GALNT13: variants seen among roughly 807,000 people sequenced by gnomAD.
GALNT13 encodes the protein UDP-GalNAc:polypeptide N-acetylgalactosaminyltransferase 13.
A neutral mutation model predicts 64.2 loss-of-function variants in GALNT13; 28 were observed. The observed-to-expected ratio is 0.44, with a 90% CI of 0.32 to 0.60. The LOEUF (loss-of-function observed/expected upper bound fraction) is 0.60. Ranked by LOEUF, GALNT13 falls within the 20% of genes least tolerant of loss-of-function variation. The probability of loss-of-function intolerance (pLI) is 0.05; values close to 1 mark genes in which losing one functional copy is unlikely to be tolerated. For missense variants in GALNT13, 577 were observed against 669.8 expected, an observed-to-expected ratio of 0.86 and a Z score of 1.53; for synonymous variants, 214 against 224.6, an observed-to-expected ratio of 0.95 and a Z score of 0.42.
chr2:154,406,101 G>A (rs77585367), intron 10 of GALNT13, among the ~76,000 whole-genome samples: 1 of 152,118 alleles, frequency 6.6e-6, no homozygotes, highest in Non-Finnish European at 1.5e-5. Context: ...TATTGTTCCT[G>A]GTAAATAGAA....
At chr2:153,108,018 C>T in the GALNT13 span, among the ~76,000 whole-genome samples, 2 of 152,130 alleles carry the variant, frequency 1.3e-5, no homozygotes, top group Non-Finnish European at 2.9e-5. Flanking sequence ...GCTGGGATTA[C>T]AGACATGCAT....
intron 8 of GALNT13, among the ~76,000 whole-genome samples, chr2:154,295,348 T>TTTTATTTA (rs10530260): frequency 0.074 from 10,588 of 142,200 alleles, 598 homozygotes; most frequent in African/African-American, 0.14. Flanking sequence ...ATTCTTTTTA[T>TTTTATTTA]TTTATTTATT....
At chr2:153,825,433 G>A in the GALNT13 span, among the ~76,000 whole-genome samples, 1 of 152,078 alleles carries the variant, frequency 6.6e-6, no homozygotes, top group Admixed American at 6.5e-5. Flanking sequence ...TGTATTTAGA[G>A]GCTACGACAA....
At chr2:153,259,215 C>A in the GALNT13 span, among the ~76,000 whole-genome samples, 1 of 152,152 alleles carries the variant, frequency 6.6e-6, no homozygotes, top group South Asian at 2.1e-4. Flanking sequence ...GTCTTGAAAT[C>A]TATCTTGTCT....
At chr2:154,352,323 T>C (rs758492029) in intron 9 of GALNT13, among the ~76,000 whole-genome samples, 1 of 152,204 alleles carries the variant, frequency 6.6e-6, no homozygotes, top group Non-Finnish European at 1.5e-5. Flanking sequence ...TGGGACAGTT[T>C]ATAAGATTAT....
intron 3 of GALNT13, among the ~76,000 whole-genome samples, chr2:154,082,019 A>G (rs1701295018): frequency 6.6e-6 from 1 of 151,728 alleles, no homozygotes; most frequent in African/African-American, 2.4e-5. Context: ...TCTAGAAACC[A>G]ATTTATTATT....
chr2:153,615,648 C>A, the GALNT13 span, among the ~76,000 whole-genome samples: 1 of 152,016 alleles, frequency 6.6e-6, no homozygotes, highest in Admixed American at 6.6e-5. Flanking sequence ...AACACTTTTT[C>A]ATATGCCTGT....
chr2:153,471,642 G>A, the GALNT13 span, among the ~76,000 whole-genome samples: 4 of 152,014 alleles, frequency 2.6e-5, no homozygotes, highest in African/African-American at 9.7e-5. Context: ...CAAATTTAGG[G>A]TCCCAGCTCA....
intron 12 of GALNT13, among the ~76,000 whole-genome samples, chr2:154,447,646 A>G (rs1472488902): frequency 3.9e-5 from 6 of 151,976 alleles, no homozygotes; most frequent in Non-Finnish European, 5.9e-5. Context: ...TAGTGGAGGA[A>G]ACAATTGAGC....
chr2:153,907,519 C>G (rs1461880991), intron 2 of GALNT13, among the ~76,000 whole-genome samples: 2 of 151,846 alleles, frequency 1.3e-5, no homozygotes, highest in East Asian at 3.9e-4. Context: ...AGCCTCGTAC[C>G]TAATGGTTAT....
At chr2:153,549,027 C>A in the GALNT13 span, among the ~76,000 whole-genome samples, 2 of 152,038 alleles carry the variant, frequency 1.3e-5, no homozygotes, top group African/African-American at 4.8e-5. Context: ...ACATAGTATA[C>A]GACTTAATTT....
the GALNT13 span, among the ~76,000 whole-genome samples, chr2:153,796,769 CACAGTACTTTCTTTGGTGCCATACATTTT>C: frequency 1.3e-5 from 2 of 152,118 alleles, no homozygotes; most frequent in South Asian, 4.1e-4. Flanking sequence ...CATGTTGTTT[CACAGTACTTTCTTTGGTGCCATACATTTT>C]AAAAAATATA....
At chr2:154,187,759 A>G (rs1354791732) in intron 4 of GALNT13, among the ~76,000 whole-genome samples, 1 of 152,164 alleles carries the variant, frequency 6.6e-6, no homozygotes, top group Non-Finnish European at 1.5e-5. Context: ...CAACTAATTT[A>G]CTGCATACAT....
At chr2:154,164,439 G>C (rs923079174) in intron 4 of GALNT13, among the ~76,000 whole-genome samples, 9 of 151,986 alleles carry the variant, frequency 5.9e-5, no homozygotes, top group African/African-American at 2.2e-4. Context: ...TCAACAACTA[G>C]ATATATTTTT....
chr2:153,542,008 C>T, the GALNT13 span, among the ~76,000 whole-genome samples: 4 of 152,182 alleles, frequency 2.6e-5, no homozygotes, highest in South Asian at 2.1e-4. Flanking sequence ...AAGTTGCAAA[C>T]GAATACTAGA....
At chr2:154,102,292 G>T (rs1309505048) in intron 3 of GALNT13, among the ~76,000 whole-genome samples, 4 of 152,192 alleles carry the variant, frequency 2.6e-5, no homozygotes, top group Admixed American at 2.6e-4. Context: ...CTGGCTGGAG[G>T]TCAACCAACT....
chr2:153,087,943 AT>A, the GALNT13 span, among the ~76,000 whole-genome samples: 3 of 151,112 alleles, frequency 2.0e-5, no homozygotes, highest in Admixed American at 6.6e-5. Context: ...TATGTTTTGT[AT>A]TTTTTTGTAT....
At chr2:153,075,529 G>A in the GALNT13 span, among the ~76,000 whole-genome samples, 2 of 152,040 alleles carry the variant, frequency 1.3e-5, no homozygotes, top group African/African-American at 2.4e-5. Context: ...TTTCTGTCCT[G>A]AAAGTAAATC....
chr2:153,942,959 A>G lies in GALNT13; in HGVS notation c.-104-1435A>G, dbSNP rs1294430534. ...TATGAAATATTTCAAGTGTCTTTGT[A>G]TTTAATACTGTTCACCCCAATTAGC... On this transcript the variant is annotated intron_variant, in intron 2 of 12. Transcript: ENST00000392825. Among the ~76,000 whole-genome samples, 3 of 152,156 alleles carry G rather than the reference A, an allele frequency of 2.0e-5. No individual in the cohort carries two copies. The South Asian group carries it at 6.2e-4, about 31-fold the overall frequency.
Sources: allele counts gnomAD v4.1 joint callset (sites outside exome capture counted in the v4.1 genomes callset), GRCh38; gene constraint gnomAD v4.1.1; transcripts MANE v1.5; gene names NCBI Gene and HGNC (gene_info 2026-07-23, HGNC 2026-07-21).